CPS1: variants seen among roughly 807,000 people sequenced by gnomAD.
The protein encoded by CPS1 is carbamoyl-phosphate synthase [ammonia], mitochondrial.
CPS1 carries 109 observed loss-of-function variants against 174.6 expected under a neutral mutation model. That is an observed-to-expected ratio of 0.62 (90% CI 0.53 to 0.73). The LOEUF is 0.73. Among genes scored for constraint, CPS1 ranks in the 30% least tolerant of loss-of-function variants. CPS1 has a pLI of 0.00. For missense variants in CPS1, 1,689 were observed against 1,821.9 expected (o/e 0.93, Z 1.33); for synonymous variants, 637 against 632.0 (o/e 1.01, Z -0.12).
intron 1 of CPS1, among the ~76,000 whole-genome samples, chr2:210,550,055 A>AT (rs1696685815): frequency 6.6e-6 from 1 of 152,048 alleles, no homozygotes; most frequent in Non-Finnish European, 1.5e-5. Flanking sequence ...TCAGCTAGAA[A>AT]CGTGGCTCAC....
chr2:210,638,425 T>C (rs565667981), intron 22 of CPS1, among the ~76,000 whole-genome samples: 5 of 152,148 alleles, frequency 3.3e-5, no homozygotes, highest in African/African-American at 1.2e-4. Flanking sequence ...GGAAGGGATG[T>C]CTTAGTTTAA....
chr2:210,618,283 T>G (rs1442421387), intron 21 of CPS1: 1 of 152,108 alleles, frequency 6.6e-6, no homozygotes, highest in East Asian at 1.9e-4. Context: ...AATAGGGATA[T>G]TTTCTATTGT....
At chr2:210,489,303 C>T (rs6725303) in intron 1 of CPS1, among the ~76,000 whole-genome samples, 4 of 152,138 alleles carry the variant, frequency 2.6e-5, no homozygotes, top group African/African-American at 4.8e-5. Flanking sequence ...TTGGTGGGTG[C>T]GGTATTTAAC....
In CPS1 at chr2:210,590,952, C is replaced by T. The variant is rs376173850; in HGVS notation, c.947+46C>T. On this transcript the variant is annotated intron_variant, in intron 9 of 37. Transcript: ENST00000233072. ...CTTACAGTAAACCAGCTCTGACATA[C>T]TAACTAAATACAAAGAACTCAGAGC... 39 of 1,450,666 alleles carry T rather than the reference C, an allele frequency of 2.7e-5. No homozygotes were observed. The African/African-American group carries it at 5.0e-4, about 19-fold the overall frequency. The allele number at this position is 1,450,666 out of a possible 1,614,324, so 89.9% of individuals were successfully genotyped here.
intron 34 of CPS1, chr2:210,672,778 G>A (rs1282620487): frequency 6.6e-6 from 1 of 152,146 alleles, no homozygotes; most frequent in Non-Finnish European, 1.5e-5. Context: ...AGGCAGTCAT[G>A]AATAACCACT....
At chr2:210,554,687 T>C (rs1559073815), upstream of CPS1, among the ~76,000 whole-genome samples, 1 of 151,886 alleles carries the variant, frequency 6.6e-6, no homozygotes, top group Non-Finnish European at 1.5e-5. Flanking sequence ...ATGGCACATG[T>C]ATACATATGT....
intron 1 of CPS1, among the ~76,000 whole-genome samples, chr2:210,563,876 G>A (rs953146089): frequency 6.6e-6 from 1 of 152,172 alleles, no homozygotes; most frequent in Non-Finnish European, 1.5e-5. Flanking sequence ...CAAGGGGAAT[G>A]TAGCTGTGTG....
intron 2 of CPS1, among the ~76,000 whole-genome samples, chr2:210,573,823 A>G (rs1176881157): frequency 6.6e-6 from 1 of 152,100 alleles, no homozygotes; most frequent in Non-Finnish European, 1.5e-5. Flanking sequence ...CACATCTAAT[A>G]TGAAATACTA....
chr2:210,630,989 T>A (rs911012614), intron 21 of CPS1, among the ~76,000 whole-genome samples: 1 of 151,152 alleles, frequency 6.6e-6, no homozygotes, highest in African/African-American at 2.4e-5. Context: ...TTACTGAACG[T>A]CAGGCTTAGT....
At chr2:210,598,825 G>T (rs1197184077) in intron 13 of CPS1, among the ~76,000 whole-genome samples, 1 of 151,764 alleles carries the variant, frequency 6.6e-6, no homozygotes, top group Non-Finnish European at 1.5e-5. Flanking sequence ...ATTTAACAAA[G>T]ATATTCAGGA....
intron 2 of CPS1, among the ~76,000 whole-genome samples, chr2:210,574,863 AAATT>A (rs1490751301): frequency 1.0e-5 from 1 of 98,412 alleles, no homozygotes; most frequent in African/African-American, 5.0e-5. Flanking sequence ...AAGTAAAATC[AAATT>A]AATTAAAGTT....
chr2:210,523,803 T>A (rs1007397792), intron 1 of CPS1, among the ~76,000 whole-genome samples: 5 of 151,966 alleles, frequency 3.3e-5, no homozygotes, highest in Admixed American at 6.6e-5. Flanking sequence ...TGCCTGAAGG[T>A]GAGGCAGAGA....
Position 210,612,308 on chromosome 2 carries a change from G to A in CPS1, c.2568+15G>A. The A allele has an allele frequency of 6.2e-7, 1 of 1,611,316 alleles. No individual in the cohort carries two copies. On this transcript the variant is annotated intron_variant, in intron 20 of 37. Transcript: ENST00000233072. ...CCATTGCCAAGGTAAGATGTTACAA[G>A]GGGCCCACAGCTACTAGTTGCTTTT...
At chr2:210,558,973 T>C (rs1319135583) in intron 1 of CPS1, among the ~76,000 whole-genome samples, 2 of 152,028 alleles carry the variant, frequency 1.3e-5, no homozygotes, top group African/African-American at 4.8e-5. Context: ...GCACAAAAAA[T>C]AGAAGTTCTT....
chr2:210,588,747 C>T (rs1295771201), intron 7 of CPS1, among the ~76,000 whole-genome samples: 1 of 152,048 alleles, frequency 6.6e-6, no homozygotes, highest in Admixed American at 6.6e-5. Context: ...CACACACATA[C>T]ACACATATTT....
intron 1 of CPS1, among the ~76,000 whole-genome samples, chr2:210,520,139 A>G (rs1695783474): frequency 1.3e-5 from 2 of 152,140 alleles, no homozygotes; most frequent in Non-Finnish European, 1.5e-5. Context: ...AACTTTGATA[A>G]ATATAAAACA....
chr2:210,658,120 C>A, intron 30 of CPS1: 1 of 177,772 alleles, frequency 5.6e-6, no homozygotes, highest in Non-Finnish European at 1.2e-5. Context: ...TCCTTCTGAA[C>A]ATAATATCTA....
intron 1 of CPS1, chr2:210,519,707 A>C: frequency 1.0e-6 from 1 of 983,134 alleles, no homozygotes; most frequent in Non-Finnish European, 1.2e-6. Flanking sequence ...GACAAACCCA[A>C]TTGAAACTTT....
chr2:210,616,591 T>G, intron 21 of CPS1, 50 bp downstream of exon 21: 1 of 1,067,646 alleles, frequency 9.4e-7, no homozygotes, highest in Non-Finnish European at 1.5e-6. Flanking sequence ...GTGCAATTTT[T>G]AAAGAGTCTT....
Sources: allele counts gnomAD v4.1 joint callset (sites outside exome capture counted in the v4.1 genomes callset), GRCh38; gene constraint gnomAD v4.1.1; transcripts MANE v1.5; gene names NCBI Gene and HGNC (gene_info 2026-07-23, HGNC 2026-07-21).